The following PSPC1 variants were observed in gnomAD, a reference collection of about 807,000 sequenced individuals.
PSPC1 encodes the protein paraspeckle component 1, also known as paraspeckle protein 1.
In PSPC1, 14 loss-of-function variants were observed where a neutral mutation model predicts 51.6. That is an observed-to-expected ratio of 0.27 (90% confidence interval 0.18 to 0.42). The LOEUF is 0.42. PSPC1 is among the 10% of genes least tolerant of loss of function. PSPC1 has a pLI of 1.00. For synonymous variants in PSPC1, 193 were observed against 231.9 expected (o/e 0.83, Z 1.53); for missense variants, 406 against 701.1 (o/e 0.58, Z 4.75).
chr13:19,777,626 C>T (rs868255818), intron 1 of PSPC1, among the ~76,000 whole-genome samples: 94 of 151,896 alleles, frequency 6.2e-4, no homozygotes, highest in African/African-American at 2.1e-3. Context: ...CTCTTGAAGC[C>T]ACTTACATGT....
At chr13:19,725,138 C>T (rs1034336477) in intron 6 of PSPC1, among the ~76,000 whole-genome samples, 34 of 152,294 alleles carry the variant, frequency 2.2e-4, no homozygotes, top group African/African-American at 8.2e-4. Flanking sequence ...GATCACGCCA[C>T]TGAACTCCAG....
chr13:19,695,714 A>AT (rs1271353942), intron 6 of PSPC1, among the ~76,000 whole-genome samples: 1 of 152,104 alleles, frequency 6.6e-6, no homozygotes, highest in Non-Finnish European at 1.5e-5. Flanking sequence ...CCCTTTTTAA[A>AT]TTTTTATCAT....
At chr13:19,727,964 GTTTAA>G (rs1196299767) in intron 6 of PSPC1, among the ~76,000 whole-genome samples, 9 of 152,078 alleles carry the variant, frequency 5.9e-5, no homozygotes, top group Non-Finnish European at 1.0e-4. Flanking sequence ...AAAAAATGTT[GTTTAA>G]TTTATAGTTA....
At chr13:19,737,470 A>C (rs1011815189) in intron 5 of PSPC1, among the ~76,000 whole-genome samples, 1 of 152,218 alleles carries the variant, frequency 6.6e-6, no homozygotes, top group Non-Finnish European at 1.5e-5. Context: ...ATCTGGTAAG[A>C]ATATCACAGA....
intron 6 of PSPC1, among the ~76,000 whole-genome samples, chr13:19,694,420 T>C (rs1364366709): frequency 1.3e-5 from 2 of 152,080 alleles, no homozygotes; most frequent in Non-Finnish European, 2.9e-5. Flanking sequence ...ACAGGTGAAA[T>C]TAGCTTAATT....
intron 6 of PSPC1, among the ~76,000 whole-genome samples, chr13:19,723,331 T>C (rs1882997322): frequency 6.6e-6 from 1 of 152,216 alleles, no homozygotes; most frequent in African/African-American, 2.4e-5. Context: ...ATGAAGTGTG[T>C]ACACAGTATG....
chr13:19,712,080 C>G (rs1054788814), intron 6 of PSPC1, among the ~76,000 whole-genome samples: 1 of 152,112 alleles, frequency 6.6e-6, no homozygotes, highest in African/African-American at 2.4e-5. Context: ...TCTATAGTAT[C>G]TAGATAAGTA....
At chr13:19,674,716 G>C (rs923491076), downstream of PSPC1, 2 of 152,216 alleles carry the variant, frequency 1.3e-5, no homozygotes, top group African/African-American at 4.8e-5. Context: ...ACATAGAGCA[G>C]ACTATGAAAA....
At chr13:19,777,882 G>A (rs559164453) in intron 1 of PSPC1, among the ~76,000 whole-genome samples, 4 of 151,948 alleles carry the variant, frequency 2.6e-5, no homozygotes, top group Admixed American at 2.6e-4. Flanking sequence ...GGAGGCAGAG[G>A]TTGCAGTGAG....
intron 6 of PSPC1, among the ~76,000 whole-genome samples, chr13:19,690,014 GTAAC>G (rs1878365258): frequency 6.6e-6 from 1 of 152,178 alleles, no homozygotes; most frequent in Non-Finnish European, 1.5e-5. Flanking sequence ...GAGTATCTGA[GTAAC>G]TATCCACTCA....
chr13:19,739,996 C>A (rs369145434), intron 5 of PSPC1, among the ~76,000 whole-genome samples: 1 of 151,990 alleles, frequency 6.6e-6, no homozygotes, highest in Non-Finnish European at 1.5e-5. Flanking sequence ...GACTACATTC[C>A]TAACAGTTCC....
intron 2 of PSPC1, among the ~76,000 whole-genome samples, chr13:19,761,782 C>A (rs1465509138): frequency 1.3e-5 from 2 of 152,046 alleles, no homozygotes; most frequent in African/African-American, 4.8e-5. Context: ...TTTTATGGAC[C>A]ATTCATCCGC....
At chr13:19,706,057 C>A (rs1880615225) in intron 7 of PSPC1, among the ~76,000 whole-genome samples, 1 of 152,198 alleles carries the variant, frequency 6.6e-6, no homozygotes, top group African/African-American at 2.4e-5. Flanking sequence ...AGGAAACTAT[C>A]AATCATTTTA....
intron 6 of PSPC1, among the ~76,000 whole-genome samples, chr13:19,692,910 G>A (rs1878738283): frequency 6.6e-6 from 1 of 152,150 alleles, no homozygotes; most frequent in Non-Finnish European, 1.5e-5. Context: ...CCTGATCTAT[G>A]TGGTCTCTCT....
At chr13:19,679,585 C>T (rs1217721850) in intron 6 of PSPC1, among the ~76,000 whole-genome samples, 1 of 152,124 alleles carries the variant, frequency 6.6e-6, no homozygotes, top group South Asian at 2.1e-4. Flanking sequence ...TGTCATTATT[C>T]CCTAAACAAT....
In PSPC1 at chr13:19,708,172, A is replaced by T. The variant is rs1351632122; in HGVS notation, c.1216+1370T>A. ...CTACATTATCTGATTAGTAGTATTG[A>T]AAAACTGGCAACAGAAGTTTAAGAA... On this transcript the variant is annotated intron_variant, in intron 7 of 8. Coordinates refer to ENST00000338910, the MANE Select transcript of PSPC1 (RefSeq NM_001354909.2). Among the ~76,000 whole-genome samples the T allele has an allele frequency of 2.6e-5, 4 of 152,230 alleles. No individual in the cohort carries two copies. The South Asian group carries it at 8.3e-4, about 32-fold the overall frequency.
At chr13:19,762,811 T>C (rs1887715540) in intron 2 of PSPC1, among the ~76,000 whole-genome samples, 1 of 152,076 alleles carries the variant, frequency 6.6e-6, no homozygotes, top group Admixed American at 6.6e-5. Context: ...ATAACCAAAA[T>C]TTGTTAAACT....
intron 3 of PSPC1, among the ~76,000 whole-genome samples, chr13:19,757,117 G>A (rs1459045289): frequency 8.9e-5 from 12 of 134,128 alleles, no homozygotes; most frequent in Non-Finnish European, 1.8e-4. Flanking sequence ...GCAATGGAGT[G>A]AGACTCCGTC....
At chr13:19,676,421 T>TG (rs1159114002) in intron 7 of PSPC1, among the ~76,000 whole-genome samples, 1 of 152,190 alleles carries the variant, frequency 6.6e-6, no homozygotes, top group Non-Finnish European at 1.5e-5. Flanking sequence ...TTTCTAGAGC[T>TG]GGGTACAGTA....
Sources: gnomAD v4.1 joint callset for allele counts (sites outside exome capture counted in the v4.1 genomes callset) on GRCh38, gnomAD v4.1.1 for gene constraint, MANE v1.5 for transcripts, NCBI Gene and HGNC (gene_info 2026-07-23, HGNC 2026-07-21) for gene names.